Variants in DENND2A observed in about 807,000 individuals in gnomAD.
DENND2A encodes the protein DENN domain-containing protein 2A.
DENND2A carries 53 observed loss-of-function variants against 105.3 expected under a neutral mutation model. The observed-to-expected ratio is 0.50, with a 90% CI of 0.40 to 0.63. The LOEUF (loss-of-function observed/expected upper bound fraction) is 0.63. DENND2A is among the 30% of genes least tolerant of loss of function. The probability of loss-of-function intolerance (pLI) is 0.00; values close to 1 mark genes in which losing one functional copy is unlikely to be tolerated. For synonymous variants in DENND2A, 522 were observed against 508.4 expected (o/e 1.03, Z -0.36); for missense variants, 1,138 against 1,279.6 (o/e 0.89, Z 1.69).
intron 1 of DENND2A, among the ~76,000 whole-genome samples, chr7:140,624,858 G>GTTTTTTTTTGTTTTT (rs1490104667): frequency 8.1e-6 from 1 of 123,788 alleles, no homozygotes; most frequent in Non-Finnish European, 1.7e-5. Flanking sequence ...TGTTTTTTTT[G>GTTTTTTTTTGTTTTT]TTTTTTTTTG....
intron 3 of DENND2A, among the ~76,000 whole-genome samples, chr7:140,597,619 C>T (rs1017691512): frequency 1.3e-5 from 2 of 152,150 alleles, no homozygotes; most frequent in East Asian, 1.9e-4. Flanking sequence ...AAAGAAAACA[C>T]TGGAAGACTG....
At chr7:140,534,488 G>A (rs1457006182) in intron 14 of DENND2A, among the ~76,000 whole-genome samples, 1 of 152,154 alleles carries the variant, frequency 6.6e-6, no homozygotes, top group African/African-American at 2.4e-5. Context: ...ATAAATGATA[G>A]AGCAGGAAAG....
At position 140,640,688 on chromosome 7, in the gene DENND2A, C is replaced by A. The variant is rs895274364; in HGVS notation, c.-432G>T. ...GCCGCCCGCAAGCCCCTGGGGGTCC[C>A]CGCCGCGCGCGCTCCCGTGGGGTCC... On this transcript the variant is annotated 5_prime_UTR_variant, in exon 1 of 20. Coordinates refer to ENST00000496613, the MANE Select transcript of DENND2A (RefSeq NM_015689.5). The surrounding 1 kb of genome is among the most constrained non-coding windows in gnomAD (Gnocchi z 4.9). 6.7e-6 allele frequency: 1 copy of A among 148,806 alleles called. No individual in the cohort carries two copies. Among genetic ancestry groups the A allele is most frequent in the South Asian group, 2.0e-4 (1 of 5,128 alleles). 9.2% of individuals were successfully genotyped at this position (148,806 alleles called of 1,614,324 possible). A position where few individuals can be genotyped will look rare whatever the true frequency, so the allele number is the denominator to read the frequency against.
chr7:140,598,739 A>G (rs1018583934), intron 3 of DENND2A, among the ~76,000 whole-genome samples: 3 of 152,242 alleles, frequency 2.0e-5, no homozygotes, highest in Admixed American at 2.0e-4. Flanking sequence ...TAGCAAATAC[A>G]TAGCATGTCA....
chr7:140,580,672 T>G (rs1450151243), intron 5 of DENND2A, among the ~76,000 whole-genome samples: 2 of 152,072 alleles, frequency 1.3e-5, no homozygotes, highest in Admixed American at 1.3e-4. Flanking sequence ...AGTCTCATTC[T>G]GTTGCCCAGG....
Position 140,559,470 on chromosome 7 carries a change from C to T in DENND2A, c.1889+238G>A, listed in dbSNP as rs149688051. On this transcript the variant is annotated intron_variant, in intron 10 of 19. Transcript: ENST00000496613. The surrounding 1 kb of genome is among the most constrained non-coding windows in gnomAD (Gnocchi z 4.1). ...TTTTCCCAGGCTAAGAATTATCTTC[C>T]GGGAGGCTTCTGAAACAAGTATCCC... Among the ~76,000 whole-genome samples, 14 of 152,218 alleles carry T rather than the reference C, an allele frequency of 9.2e-5. No individual in the cohort carries two copies. The East Asian group carries it at 1.9e-3, about 21-fold the overall frequency.
At chr7:140,623,420 T>C (rs1057049080) in intron 1 of DENND2A, among the ~76,000 whole-genome samples, 2 of 149,296 alleles carry the variant, frequency 1.3e-5, no homozygotes, top group Non-Finnish European at 3.0e-5. Flanking sequence ...AGACCTAACC[T>C]TTCTGAGGAC....
At chr7:140,520,092 T>C (rs530315564) in intron 18 of DENND2A, among the ~76,000 whole-genome samples, 1 of 152,058 alleles carries the variant, frequency 6.6e-6, no homozygotes, top group East Asian at 1.9e-4. Context: ...TCACCTGAGA[T>C]CAGGAGTTCG....
At chr7:140,538,176 C>T (rs915799877) in intron 14 of DENND2A, among the ~76,000 whole-genome samples, 2 of 152,184 alleles carry the variant, frequency 1.3e-5, no homozygotes, top group African/African-American at 2.4e-5. Flanking sequence ...CTCCCTGAAG[C>T]TTCCTCTTGC....
chr7:140,524,794 C>T (rs1359372396), intron 16 of DENND2A, among the ~76,000 whole-genome samples: 1 of 151,290 alleles, frequency 6.6e-6, no homozygotes, highest in Non-Finnish European at 1.5e-5. Flanking sequence ...TTGTCCCAGG[C>T]TGGTCTTTAA....
chr7:140,590,118 G>A lies in DENND2A; in HGVS notation c.996-2338C>T, dbSNP rs189380978. Among the ~76,000 whole-genome samples, 60 of 152,208 alleles carry A rather than the reference G, an allele frequency of 3.9e-4. 2 individuals carry two copies. In the East Asian group the frequency reaches 8.7e-3, roughly 22 times the overall value. On this transcript the variant is annotated intron_variant, in intron 3 of 19. Transcript: ENST00000496613. ...AGCACATGTAATGCAGGCCGGGCGC[G>A]GTGGCTCATGTCTGTAATTCCAGCA...
At chr7:140,625,341 C>G (rs903996962) in intron 1 of DENND2A, among the ~76,000 whole-genome samples, 1 of 150,760 alleles carries the variant, frequency 6.6e-6, no homozygotes, top group African/African-American at 2.5e-5. Context: ...CGCGCCACTG[C>G]ATTCCAGCCT....
rs576801972 is a variant in DENND2A at position 140,610,290 on chromosome 7, G to GAA, written c.-247-4486_-247-4485dup. 6.1e-3 allele frequency among the ~76,000 whole-genome samples: 607 copies of GAA among 100,280 alleles called. 5 individuals are homozygous for GAA. The highest frequency in any genetic ancestry group is 0.019 in the African/African-American group (572 of 30,492). 65.8% of individuals were successfully genotyped at this position (100,280 alleles called of 152,430 possible). A position where few individuals can be genotyped will look rare whatever the true frequency, so the allele number is the denominator to read the frequency against. The stretch of plus-strand genomic sequence containing the variant: ...CCAGCCTCACTTAACTAGTCTTAAG[G>GAA]AAAAAAAAAAAAAAAAAAGCCAGAT... On this transcript the variant is annotated intron_variant, in intron 1 of 19. Transcript: ENST00000496613.
intron 2 of DENND2A, among the ~76,000 whole-genome samples, chr7:140,604,382 A>T (rs1351882187): frequency 6.6e-6 from 1 of 152,272 alleles, no homozygotes; most frequent in Non-Finnish European, 1.5e-5. Context: ...CCTATTTTAA[A>T]TATGGCTATC....
rs375723849 is a variant in DENND2A, at chr7:140,519,660, G to T, written c.2970C>A (p.Ser990Arg). 6.2e-7 allele frequency: 1 copy of T among 1,613,930 alleles called. No individual in the cohort carries two copies. Among genetic ancestry groups the T allele is most frequent in the Non-Finnish European group, 8.5e-7 (1 of 1,180,006 alleles). ...YLETLPSGEHSGVNKFLKGLG... is the reference protein window; with the variant it reads ...YLETLPSGEHRGVNKFLKGLG... The stretch of plus-strand genomic sequence containing the variant: ...GTCCCTTCAGGAACTTATTGACACC[G>T]CTGTGCTCTCCACTGGGGAGTGTTT... Residue 990 changes from serine (S) to arginine (R), a missense_variant, in exon 19 of 20, where the codon AGC becomes AGA. By Grantham distance (110) the Ser-to-Arg change is moderately radical. Coordinates refer to ENST00000496613, the MANE Select transcript of DENND2A (RefSeq NM_015689.5).
chr7:140,562,371 C>T (rs1797651989), intron 9 of DENND2A, among the ~76,000 whole-genome samples: 1 of 151,794 alleles, frequency 6.6e-6, no homozygotes, highest in Non-Finnish European at 1.5e-5. Context: ...CTTTAAAAAC[C>T]ACTTCCTGGC....
At chr7:140,547,737 A>T (rs1278043753) in intron 12 of DENND2A, among the ~76,000 whole-genome samples, 2 of 152,230 alleles carry the variant, frequency 1.3e-5, no homozygotes, top group Non-Finnish European at 2.9e-5. Flanking sequence ...AGAAACTTAA[A>T]TGTCCATTAA....
At chr7:140,530,965 C>T (rs966301741) in intron 14 of DENND2A, among the ~76,000 whole-genome samples, 2 of 152,178 alleles carry the variant, frequency 1.3e-5, no homozygotes, top group Non-Finnish European at 2.9e-5. Context: ...CTCCTGACCT[C>T]AGGTGATCTG....
chr7:140,561,677 TTTTTTTTTTGTA>T (rs71173211), intron 9 of DENND2A, among the ~76,000 whole-genome samples: 52,604 of 146,588 alleles, frequency 0.36, 11,932 homozygotes, highest in Non-Finnish European at 0.5. Context: ...CTATTTTTTT[TTTTTTTTTTGTA>T]TTTTCAGTAG....
Sources: gnomAD v4.1 joint callset for allele counts (sites outside exome capture counted in the v4.1 genomes callset) on GRCh38, gnomAD v4.1.1 for gene constraint, Gnocchi (gnomAD v3.1) non-coding constraint, MANE v1.5 for transcripts, NCBI Gene and HGNC (gene_info 2026-07-23, HGNC 2026-07-21) for gene names.